Variants in PLK1 observed in about 807,000 individuals in gnomAD.
PLK1 encodes polo like kinase 1.
A neutral mutation model predicts 56.7 loss-of-function variants in PLK1; 6 were observed. The observed-to-expected ratio is 0.11, with a 90% CI of 0.06 to 0.21. The LOEUF (loss-of-function observed/expected upper bound fraction) is 0.21. Ranked by LOEUF, PLK1 falls within the 10% of genes least tolerant of loss-of-function variation. The probability of loss-of-function intolerance (pLI) is 1.00; values close to 1 mark genes in which losing one functional copy is unlikely to be tolerated. For missense variants in PLK1, 546 were observed against 814.4 expected (o/e 0.67, Z 4.01); for synonymous variants, 298 against 325.0 (o/e 0.92, Z 0.89).
Position 23,689,260 on chromosome 16 carries a change from C to T in PLK1, c.1293C>T (p.Ser431=), listed in dbSNP as rs776833888. ...YGLGYQLCDN[S]VGVLFNDSTR... ...TAGGGTATCAGCTCTGTGATAACAG[C>T]GTGGGGGTGCTCTTCAATGACTCAA... The change falls in exon 8 of 10, where the codon AGC becomes AGT. Residue 431 remains serine (S), a synonymous_variant. Coordinates refer to ENST00000300093, the MANE Select transcript of PLK1 (RefSeq NM_005030.6). The surrounding 1 kb of genome is among the most constrained non-coding windows in gnomAD (Gnocchi z 4.8). 8 of 1,613,448 alleles carry T rather than the reference C, an allele frequency of 5.0e-6. No individual in the cohort carries two copies. Among genetic ancestry groups the T allele is most frequent in the Admixed American group, 3.3e-5 (2 of 59,984 alleles).
chr16:23,680,267 C>A lies in PLK1; in HGVS notation c.577+15C>A. The stretch of plus-strand genomic sequence containing the variant: ...GGTGAAAATAGGTGAGTTGCTGAGC[C>A]TGCAGGGGTGCTTGACATCACTACA... On this transcript the variant is annotated intron_variant, in intron 2 of 9. Transcript: ENST00000300093. 6.2e-7 allele frequency: 1 copy of A among 1,612,770 alleles called. No homozygotes were observed. Among genetic ancestry groups the A allele is most frequent in the South Asian group, 1.1e-5 (1 of 90,978 alleles).
At chr16:23,683,814 C>T (rs1959379250) in intron 4 of PLK1, 56 bp from the exon 5 acceptor site, 1 of 1,354,930 alleles carries the variant, frequency 7.4e-7, no homozygotes, top group Non-Finnish European at 1.1e-6. Flanking sequence ...TGAGGCCGTA[C>T]TGTACTCCAG....
At chr16:23,686,577 C>G (rs1032279734) in intron 5 of PLK1, among the ~76,000 whole-genome samples, 2 of 152,138 alleles carry the variant, frequency 1.3e-5, no homozygotes, top group African/African-American at 4.8e-5. Flanking sequence ...ACTGCAGCCT[C>G]CACCTCCTGC....
intron 1 of PLK1, chr16:23,679,595 C>G (rs1220039327): frequency 2.1e-6 from 1 of 472,058 alleles, no homozygotes; most frequent in Non-Finnish European, 3.8e-6. Context: ...AGCTTCTGGA[C>G]GCGAGGTGCT....
chr16:23,685,362 C>G (rs1388259698), intron 5 of PLK1, among the ~76,000 whole-genome samples: 1 of 151,826 alleles, frequency 6.6e-6, no homozygotes, highest in Non-Finnish European at 1.5e-5. Context: ...TACTGCAGCC[C>G]CAACATCCTG....
At chr16:23,680,057 C>T (rs1194078648) in intron 1 of PLK1, 27 bp from the exon 2 acceptor site, 5 of 1,588,528 alleles carry the variant, frequency 3.1e-6, no homozygotes, top group South Asian at 1.1e-5. Flanking sequence ...CTCCCCATCC[C>T]TCCTGCCCTC....
Position 23,688,655 on chromosome 16 carries a change from G to T in PLK1, c.1193-13G>T. The T allele has an allele frequency of 1.9e-6, 3 of 1,606,866 alleles. No homozygotes were observed. The South Asian group carries it at 3.3e-5, about 18-fold the overall frequency. ...GTCCTGACCAACTAACTGTCTGTCT[G>T]TTTCTGTCTCAGAGGAGGCTGAGGA... On this transcript the variant is annotated splice_polypyrimidine_tract_variant and intron_variant, in intron 6 of 9. Coordinates refer to ENST00000300093, the MANE Select transcript of PLK1 (RefSeq NM_005030.6).
At position 23,678,929 on chromosome 16, in the gene PLK1, G is replaced by A; in HGVS notation, c.-4G>A. On this transcript the variant is annotated 5_prime_UTR_variant, in exon 1 of 10. Transcript: ENST00000300093. Reference sequence around the variant, plus strand: ...ATCGAGGTCTGCAGCGCAGCTTCGGGAGCATGAGTGCTGCAGTGACTGCAG... The same window carrying A: ...ATCGAGGTCTGCAGCGCAGCTTCGGAAGCATGAGTGCTGCAGTGACTGCAG... 2 of 1,520,888 alleles carry A rather than the reference G, an allele frequency of 1.3e-6. No individual in the cohort carries two copies. The highest frequency in any genetic ancestry group is 1.8e-6 in the Non-Finnish European group (2 of 1,131,746). The allele number at this position is 1,520,888 out of a possible 1,614,324, so 94.2% of individuals were successfully genotyped here.
At chr16:23,683,827 C>G (rs1416396850) in intron 4 of PLK1, 43 bp from the exon 5 acceptor site, 1 of 1,464,710 alleles carries the variant, frequency 6.8e-7, no homozygotes, top group African/African-American at 1.4e-5. Context: ...TACTCCAGGT[C>G]CCCTTCACAT....
chr16:23,689,161 GGCATGT>G lies in PLK1; in HGVS notation c.1271-74_1271-69del. ...AGCCTCCCAAAGTGCTGGAATCACA[GGCATGT>G]GCCACCACGCCCGGTCCCACTCCCC... On this transcript the variant is annotated intron_variant, in intron 7 of 9. Coordinates refer to ENST00000300093, the MANE Select transcript of PLK1 (RefSeq NM_005030.6). The surrounding 1 kb of genome is among the most constrained non-coding windows in gnomAD (Gnocchi z 4.8). 1 of 1,331,268 alleles carries G rather than the reference GGCATGT, an allele frequency of 7.5e-7. No homozygotes were observed. Among genetic ancestry groups the G allele is most frequent in the Non-Finnish European group, 1.1e-6 (1 of 940,230 alleles). The allele number at this position is 1,331,268 out of a possible 1,614,324, so 82.5% of individuals were successfully genotyped here.
intron 4 of PLK1, among the ~76,000 whole-genome samples, chr16:23,682,542 T>TTTTA (rs1471524945): frequency 7.0e-6 from 1 of 141,948 alleles, no homozygotes; most frequent in African/African-American, 2.5e-5. Flanking sequence ...TTTTTTTTTT[T>TTTTA]ATTTGAGGTG....
In PLK1 at chr16:23,690,266, C is replaced by A; in HGVS notation, c.*203C>A. ...GGTGTGGGTTCTACAGCCTTGTCCC[C>A]CTCCCCCTCAACCCCACCATATGAA... On this transcript the variant is annotated 3_prime_UTR_variant, in exon 10 of 10. Transcript: ENST00000300093. 1.7e-6 allele frequency: 1 copy of A among 600,884 alleles called. No homozygotes were observed. Among genetic ancestry groups the A allele is most frequent in the Non-Finnish European group, 3.0e-6 (1 of 335,150 alleles). The allele number at this position is 600,884 out of a possible 1,614,324, so 37.2% of individuals were successfully genotyped here.
intron 4 of PLK1, among the ~76,000 whole-genome samples, chr16:23,683,060 G>C (rs1274479100): frequency 7.4e-6 from 1 of 135,906 alleles, no homozygotes; most frequent in African/African-American, 2.8e-5. Flanking sequence ...GTACAATCTC[G>C]GCTCACTGCA....
chr16:23,683,829 C>G, intron 4 of PLK1, 41 bp from the exon 5 acceptor site: 1 of 1,491,796 alleles, frequency 6.7e-7, no homozygotes, highest in Non-Finnish European at 9.4e-7. Context: ...CTCCAGGTCC[C>G]CTTCACATTC....
Position 23,689,203 on chromosome 16 carries a change from C to A in PLK1, c.1271-35C>A. 6.3e-7 allele frequency: 1 copy of A among 1,583,724 alleles called. No homozygotes were observed. The highest frequency in any genetic ancestry group is 8.6e-7 in the Non-Finnish European group (1 of 1,156,484). On this transcript the variant is annotated intron_variant, in intron 7 of 9. Transcript: ENST00000300093. This position sits in a 1 kb window ranked among gnomAD's most constrained non-coding sequence, Gnocchi z 4.8. Reference sequence around the variant, plus strand: ...CCGGTCCCACTCCCCACTTTCTATTCCCCCTTTCTGAGACCTCTCTCCACC... The same window carrying A: ...CCGGTCCCACTCCCCACTTTCTATTACCCCTTTCTGAGACCTCTCTCCACC...
intron 4 of PLK1, among the ~76,000 whole-genome samples, chr16:23,682,985 CTTTTTTTTT>C (rs1031796646): frequency 2.2e-5 from 2 of 91,516 alleles, no homozygotes; most frequent in African/African-American, 8.1e-5. Flanking sequence ...TGTGCATTTT[CTTTTTTTTT>C]TTTTTTTTTT....
intron 2 of PLK1, 41 bp from the exon 3 acceptor site, chr16:23,680,873 G>A: frequency 2.5e-6 from 4 of 1,580,452 alleles, no homozygotes; most frequent in Non-Finnish European, 3.4e-6. Flanking sequence ...AGATGTCAGA[G>A]GCTGGCATCT....
Position 23,679,061 on chromosome 16 carries a change from C to G in PLK1, c.129C>G (p.Val43=). 1.9e-6 allele frequency: 3 copies of G among 1,606,726 alleles called. No homozygotes were observed. The highest frequency in any genetic ancestry group is 2.6e-6 in the Non-Finnish European group (3 of 1,174,920). ...AAPPAKEIPE[V]LVDPRSRRRY... ...CACCGGCGAAAGAGATCCCGGAGGTCCTAGTGGACCCACGCAGCCGGCGGC... is the reference window on the plus strand; with the variant it reads ...CACCGGCGAAAGAGATCCCGGAGGTGCTAGTGGACCCACGCAGCCGGCGGC... The change falls in exon 1 of 10, where the codon GTC becomes GTG. Residue 43 remains valine, a synonymous_variant. Coordinates refer to ENST00000300093, the MANE Select transcript of PLK1 (RefSeq NM_005030.6).
rs148952170 is a variant in PLK1 at position 23,690,015 on chromosome 16, C to T, written c.1764C>T (p.Asp588=). The T allele has an allele frequency of 1.9e-6, 3 of 1,613,278 alleles. No individual in the cohort carries two copies. Among genetic ancestry groups the T allele is most frequent in the Non-Finnish European group, 2.5e-6 (3 of 1,179,998 alleles). Residue 588 remains aspartate, a synonymous_variant, in exon 10 of 10, where the codon GAC becomes GAT. Transcript: ENST00000300093. ...SRLRYARTMV[D]KLLSSRSASN... is the part of the protein sequence containing the mutation. ...TCCGCTACGCCCGCACTATGGTGGA[C>T]AAGCTGCTGAGCTCACGCTCGGCCA...
Sources: allele counts gnomAD v4.1 joint callset (sites outside exome capture counted in the v4.1 genomes callset), GRCh38; gene constraint gnomAD v4.1.1; non-coding constraint Gnocchi (gnomAD v3.1); transcripts MANE v1.5; gene names NCBI Gene and HGNC (gene_info 2026-07-23, HGNC 2026-07-21).